Variants in TRPM6 observed in about 807,000 individuals in gnomAD.
TRPM6 encodes the protein channel kinase 2.
Under a neutral mutation model 247.6 loss-of-function variants are expected in TRPM6, and 111 were observed. The ratio of observed to expected loss-of-function variants is 0.45; its 90% CI spans 0.38 to 0.52. TRPM6 has a LOEUF of 0.52. Among genes scored for constraint, TRPM6 ranks in the 20% least tolerant of loss-of-function variants. The pLI is 0.00. For synonymous variants in TRPM6, 892 were observed against 853.8 expected (o/e 1.04, Z -0.78); for missense variants, 2,126 against 2,421.5 (o/e 0.88, Z 2.56).
rs369532577 is a variant in TRPM6, at chr9:74,827,909, T to C, written c.710A>G (p.Lys237Arg). Reference protein sequence around the residue: ...LYQTLDNPLSKLTTLNSMHSH... With the variant: ...LYQTLDNPLSRLTTLNSMHSH... ...GTGCATGCTGTTGAGTGTTGTGAGC[T>C]TGCTGAGGGGGTTATCCAGAGTCTG... Residue 237 changes from lysine to arginine, a missense_variant, in exon 7 of 39, where the codon AAG (lysine) becomes AGG (arginine). Physicochemically the swap from Lys to Arg is conservative, Grantham distance 26. Transcript: ENST00000360774. 2.9e-5 allele frequency: 47 copies of C among 1,613,946 alleles called. No individual in the cohort carries two copies. The highest frequency in any genetic ancestry group is 3.8e-5 in the Non-Finnish European group (45 of 1,180,022).
chr9:74,844,835 CTTAA>C (rs1315831807), intron 3 of TRPM6, among the ~76,000 whole-genome samples: 1 of 152,182 alleles, frequency 6.6e-6, no homozygotes, highest in Non-Finnish European at 1.5e-5. Context: ...CCTCACTAAG[CTTAA>C]TTATTTCTAG....
rs773515787 is a variant in TRPM6, at chr9:74,763,106, C to A, written c.3565G>T (p.Glu1189Ter). The part of the protein sequence containing the change: ...RVTEMYFQLK[E>*]MNEKVSFIKD... ...ATAAAAGACACCTTTTCATTCATTT[C>A]TTTCAGCTGGAAGTACATCTCTGTA... is the stretch of plus-strand genomic sequence containing the variant. The change falls in exon 26 of 39, where the codon GAA becomes TAA. Residue 1189 changes from glutamate to a stop codon, truncating the protein, a stop_gained. Transcript: ENST00000360774. LOFTEE classifies it high-confidence loss of function. The A allele has an allele frequency of 1.9e-6, 3 of 1,612,788 alleles. No homozygotes were observed. The highest frequency in any genetic ancestry group is 1.7e-5 in the Admixed American group (1 of 59,998).
chr9:74,782,789 C>T lies in TRPM6; in HGVS notation c.2984G>A (p.Arg995His), dbSNP rs1378648335. 6 of 1,614,030 alleles carry T rather than the reference C, an allele frequency of 3.7e-6. No individual in the cohort carries two copies. Among genetic ancestry groups the T allele is most frequent in the African/African-American group, 1.3e-5 (1 of 75,008 alleles). ...CTCTTTTGGCGAAAGGATGGCCTTG[C>T]GTGCCACTCCAAAGCTCAGCAGGAC... The part of the protein sequence containing the change: ...AIVLLSFGVA[R>H]KAILSPKEPP... Residue 995 changes from arginine to histidine, a missense_variant, in exon 22 of 39, where the codon CGC (arginine) becomes CAC (histidine). Coordinates refer to ENST00000360774, the MANE Select transcript of TRPM6 (RefSeq NM_017662.5).
chr9:74,796,199 ATTG>A (rs1478423332), intron 18 of TRPM6, among the ~76,000 whole-genome samples: 5 of 152,238 alleles, frequency 3.3e-5, no homozygotes, highest in African/African-American at 4.8e-5. Flanking sequence ...CAAAAGAAAG[ATTG>A]TTGTTATGAT....
At chr9:74,733,038 G>T (rs1825575690) in intron 36 of TRPM6, among the ~76,000 whole-genome samples, 1 of 151,762 alleles carries the variant, frequency 6.6e-6, no homozygotes, top group African/African-American at 2.4e-5. Flanking sequence ...TACTAAAAAT[G>T]CAAAAATTAG....
intron 36 of TRPM6, among the ~76,000 whole-genome samples, chr9:74,733,160 C>A (rs1203188021): frequency 6.6e-6 from 1 of 151,480 alleles, no homozygotes; most frequent in Non-Finnish European, 1.5e-5. Context: ...CGAGATCACG[C>A]CACTGCATTC....
intron 17 of TRPM6, among the ~76,000 whole-genome samples, chr9:74,799,724 T>C (rs1437138008): frequency 6.6e-6 from 1 of 152,188 alleles, no homozygotes; most frequent in African/African-American, 2.4e-5. Context: ...AAATCTTGCA[T>C]GTTTGTCTAT....
chr9:74,739,341 G>C (rs766738854), intron 35 of TRPM6, 26 bp downstream of exon 35: 1 of 1,602,506 alleles, frequency 6.2e-7, no homozygotes, highest in African/African-American at 1.3e-5. Flanking sequence ...TTGAAACAAA[G>C]GGCCAAGGTG....
chr9:74,825,382 T>A (rs1317766188), intron 7 of TRPM6, among the ~76,000 whole-genome samples: 1 of 151,538 alleles, frequency 6.6e-6, no homozygotes, highest in Non-Finnish European at 1.5e-5. Context: ...ACCTCCCTCA[T>A]AAGTATGTTA....
intron 36 of TRPM6, among the ~76,000 whole-genome samples, chr9:74,737,740 C>A (rs988232924): frequency 2.6e-5 from 4 of 152,176 alleles, no homozygotes; most frequent in African/African-American, 9.7e-5. Flanking sequence ...TGGACTAAAT[C>A]TCTTATTTAA....
chr9:74,861,857 C>T (rs1231313126), intron 1 of TRPM6, among the ~76,000 whole-genome samples: 1 of 151,920 alleles, frequency 6.6e-6, no homozygotes, highest in Non-Finnish European at 1.5e-5. Context: ...ATTTAATGAC[C>T]TTTACAGGCT....
chr9:74,807,035 A>C (rs1828548397), intron 14 of TRPM6, among the ~76,000 whole-genome samples: 1 of 152,214 alleles, frequency 6.6e-6, no homozygotes, highest in African/African-American at 2.4e-5. Flanking sequence ...GTTTAAATGA[A>C]GTAGCTGATA....
In TRPM6 at chr9:74,869,018, T is replaced by C. The variant is rs1036147840; in HGVS notation, c.34-10270A>G. Among the ~76,000 whole-genome samples, 9 of 152,158 alleles carry C rather than the reference T, an allele frequency of 5.9e-5. No homozygotes were observed. In the East Asian group the frequency reaches 1.2e-3, roughly 20 times the overall value. On this transcript the variant is annotated intron_variant, in intron 1 of 38. Coordinates refer to ENST00000360774, the MANE Select transcript of TRPM6 (RefSeq NM_017662.5). ...TAAAATGTTTGCATCATTATCAAAG[T>C]AGAAAATTTCAAAGAAAAACTGATA...
chr9:74,785,815 A>C (rs144463358), intron 21 of TRPM6, 59 bp downstream of exon 21: 1 of 1,600,002 alleles, frequency 6.2e-7, no homozygotes, highest in East Asian at 2.2e-5. Context: ...GAGCCACCAC[A>C]CCTGGCTAAA....
chr9:74,808,220 T>C, intron 13 of TRPM6, 46 bp from the exon 14 acceptor site: 2 of 1,612,012 alleles, frequency 1.2e-6, no homozygotes, highest in Non-Finnish European at 1.7e-6. Context: ...GTTATCTTCT[T>C]TCATTTCTCT....
chr9:74,802,132 T>G lies in TRPM6; in HGVS notation c.1775A>C (p.Glu592Ala), dbSNP rs770489590. The G allele has an allele frequency of 1.2e-6, 2 of 1,614,074 alleles. No individual in the cohort carries two copies. The highest frequency in any genetic ancestry group is 4.5e-5 in the East Asian group (2 of 44,894). The stretch of plus-strand genomic sequence containing the variant: ...CTCAGGGTCATCTGATACATTTTGT[T>G]CTTTTGACTTCTTCCTTGATTTATG... The part of the protein sequence containing the change: ...VLHKSRKKSK[E>A]QNVSDDPEST... Residue 592 changes from glutamate (E) to alanine (A), a missense_variant, in exon 16 of 39, where the codon GAA becomes GCA. Physicochemically the swap from Glu to Ala is moderately radical, Grantham distance 107 (BLOSUM62 -1). This residue lies in a region of TRPM6 where 1,082 missense variants were observed against 1,307.9 expected (regional missense o/e 0.83). Coordinates refer to ENST00000360774, the MANE Select transcript of TRPM6 (RefSeq NM_017662.5).
chr9:74,820,360 T>C lies in TRPM6; in HGVS notation c.1078A>G (p.Lys360Glu). Residue 360 changes from lysine to glutamate, a missense_variant, in exon 9 of 39, where the codon AAA (lysine) becomes GAA (glutamate). Transcript: ENST00000360774. ...ATTTGGAAAAGGTGCTTGGACTGTT[T>C]AAGACTAAAGTTGAAAGTGTTCTGA... is the stretch of plus-strand genomic sequence containing the variant. ...MIQNTFNFSL[K>E]QSKHLFQILM... 6.2e-7 allele frequency: 1 copy of C among 1,614,160 alleles called. No individual in the cohort carries two copies. The highest frequency in any genetic ancestry group is 1.3e-5 in the African/African-American group (1 of 75,050).
At chr9:74,725,476 G>T (rs565068121) in intron 38 of TRPM6, among the ~76,000 whole-genome samples, 121 of 152,032 alleles carry the variant, frequency 8.0e-4, no homozygotes, top group Non-Finnish European at 1.5e-3. Flanking sequence ...ATATGGTTTG[G>T]CTGTGTCCCC....
chr9:74,758,463 T>C (rs1358313674), intron 27 of TRPM6, among the ~76,000 whole-genome samples: 1 of 152,118 alleles, frequency 6.6e-6, no homozygotes, highest in African/African-American at 2.4e-5. Context: ...AATTTAATAT[T>C]CTAAGAATTC....
Sources: gnomAD v4.1 joint callset for allele counts (sites outside exome capture counted in the v4.1 genomes callset) on GRCh38, gnomAD v4.1.1 for gene constraint, gnomAD v4.1.1 regional missense constraint, MANE v1.5 for transcripts, NCBI Gene and HGNC (gene_info 2026-07-23, HGNC 2026-07-21) for gene names.